Variants in DYNC2I1 observed in about 807,000 individuals in gnomAD.
DYNC2I1 encodes dynein 2 intermediate chain 1.
Under a neutral mutation model 133.4 loss-of-function variants are expected in DYNC2I1, and 89 were observed. The ratio of observed to expected loss-of-function variants is 0.67; its 90% confidence interval spans 0.56 to 0.80. The LOEUF is 0.80. Among genes scored for constraint, DYNC2I1 ranks in the 30% least tolerant of loss-of-function variants. DYNC2I1 has a pLI of 0.00. For synonymous variants in DYNC2I1, 504 were observed against 484.3 expected (o/e 1.04, Z -0.54); for missense variants, 1,291 against 1,314.5 (o/e 0.98, Z 0.28).
chr7:158,841,107 C>G, the DYNC2I1 span, among the ~76,000 whole-genome samples: 1 of 145,844 alleles, frequency 6.9e-6, no homozygotes, highest in Non-Finnish European at 1.5e-5. Context: ...AACTGTCCCC[C>G]AACTCCCAGT....
intron 1 of DYNC2I1, among the ~76,000 whole-genome samples, chr7:158,860,542 C>T (rs1262144186): frequency 1.3e-5 from 2 of 152,224 alleles, no homozygotes; most frequent in African/African-American, 2.4e-5. Context: ...GCAGGCTTTA[C>T]ACCTGCCTGC....
chr7:158,939,606 G>C (rs1329046256), intron 23 of DYNC2I1, among the ~76,000 whole-genome samples: 1 of 152,186 alleles, frequency 6.6e-6, no homozygotes, highest in Non-Finnish European at 1.5e-5. Flanking sequence ...AATGGCAGTA[G>C]AATGTTCTCA....
chr7:158,918,701 T>A (rs1442745299), intron 14 of DYNC2I1, 39 bp from the exon 15 acceptor site: 1 of 1,601,142 alleles, frequency 6.2e-7, no homozygotes, highest in Non-Finnish European at 8.5e-7. Context: ...TAATCCATTG[T>A]GAAGTTTTTA....
chr7:158,913,000 A>T lies in DYNC2I1; in HGVS notation c.1606A>T (p.Asn536Tyr). 1.2e-6 allele frequency: 2 copies of T among 1,612,420 alleles called. No individual in the cohort carries two copies. Among genetic ancestry groups the T allele is most frequent in the Non-Finnish European group, 1.7e-6 (2 of 1,179,202 alleles). Residue 536 changes from asparagine (N) to tyrosine (Y), a missense_variant, in exon 13 of 25, where the codon AAC (asparagine) becomes TAC (tyrosine). Transcript: ENST00000407559. ...TGTTTTTAAGGCATATGTTCAGTGTAACGAAGATAATGTTGAAAGAGACAT... is the reference window on the plus strand; with the variant it reads ...TGTTTTTAAGGCATATGTTCAGTGTTACGAAGATAATGTTGAAAGAGACAT... ...KNTKQAYVQC[N>Y]EDNVERDIQT... is the part of the protein sequence containing the mutation.
In DYNC2I1 at chr7:158,914,256, G is replaced by C; in HGVS notation, c.1726G>C (p.Asp576His). The C allele has an allele frequency of 1.2e-6, 2 of 1,612,440 alleles. No individual in the cohort carries two copies. The highest frequency in any genetic ancestry group is 1.7e-6 in the Non-Finnish European group (2 of 1,179,198). Reference sequence around the variant, plus strand: ...AGGCAGTGAACAAAGAGATACCTCTGATGCTGTAGTTATGCCAAAGATTGA... The same window carrying C: ...AGGCAGTGAACAAAGAGATACCTCTCATGCTGTAGTTATGCCAAAGATTGA... ...SGGSEQRDTS[D>H]AVVMPKIDTP... The change falls in exon 14 of 25, where the codon GAT becomes CAT. Residue 576 changes from aspartate (D) to histidine (H), a missense_variant. Coordinates refer to ENST00000407559, the MANE Select transcript of DYNC2I1 (RefSeq NM_018051.5).
intron 4 of DYNC2I1, among the ~76,000 whole-genome samples, chr7:158,954,736 AATT>A (rs1293034110): frequency 1.3e-5 from 2 of 152,238 alleles, no homozygotes; most frequent in Non-Finnish European, 2.9e-5. Context: ...AGTAAGAAAA[AATT>A]ATAGTCTCAC....
At chr7:158,851,875 A>C (rs187952926), upstream of DYNC2I1, among the ~76,000 whole-genome samples, 1 of 152,322 alleles carries the variant, frequency 6.6e-6, no homozygotes, top group East Asian at 1.9e-4. Flanking sequence ...CCCCAGCAGA[A>C]TAGGTTCTTT....
chr7:158,876,147 T>C (rs1484327769), intron 3 of DYNC2I1, among the ~76,000 whole-genome samples: 1 of 152,062 alleles, frequency 6.6e-6, no homozygotes, highest in Non-Finnish European at 1.5e-5. Flanking sequence ...AGACTTACAG[T>C]CTTAGGAGAA....
At chr7:158,880,427 C>A (rs183533749) in intron 5 of DYNC2I1, among the ~76,000 whole-genome samples, 52 of 151,952 alleles carry the variant, frequency 3.4e-4, no homozygotes, top group Non-Finnish European at 7.4e-4. Flanking sequence ...GTCCTAGCTA[C>A]CTGGGAGGCT....
chr7:158,882,688 CAT>C (rs975433394), intron 5 of DYNC2I1, among the ~76,000 whole-genome samples: 1 of 152,062 alleles, frequency 6.6e-6, no homozygotes, highest in Admixed American at 6.6e-5. Flanking sequence ...GCCTGGCTAA[CAT>C]AGTGAAACCC....
chr7:158,957,963 C>T (rs1852240277), downstream of DYNC2I1, among the ~76,000 whole-genome samples: 2 of 152,212 alleles, frequency 1.3e-5, no homozygotes, highest in East Asian at 1.9e-4. Flanking sequence ...GAGGGCCCCT[C>T]GGCCTTCCGC....
chr7:158,922,930 G>A (rs1414374167), intron 16 of DYNC2I1, among the ~76,000 whole-genome samples: 2 of 152,136 alleles, frequency 1.3e-5, no homozygotes, highest in Non-Finnish European at 2.9e-5. Flanking sequence ...TTCTTAGACT[G>A]CGTGGAGGTT....
intron 8 of DYNC2I1, among the ~76,000 whole-genome samples, chr7:158,901,263 G>C (rs1334418000): frequency 6.6e-6 from 1 of 151,992 alleles, no homozygotes; most frequent in African/African-American, 2.4e-5. Context: ...GTAGAGATGC[G>C]GTTTCGCCAT....
At chr7:158,883,818 C>T (rs1231196571) in intron 5 of DYNC2I1, among the ~76,000 whole-genome samples, 220 of 149,276 alleles carry the variant, frequency 1.5e-3, no homozygotes, top group African/African-American at 5.2e-3. Flanking sequence ...CGCCCGCCAC[C>T]ACACCCGGCT....
chr7:158,919,148 CTA>C (rs1206030122), intron 15 of DYNC2I1, among the ~76,000 whole-genome samples: 3 of 152,186 alleles, frequency 2.0e-5, no homozygotes, highest in Non-Finnish European at 2.9e-5. Flanking sequence ...CTGAGATTTT[CTA>C]TGTGTTTGAA....
intron 8 of DYNC2I1, among the ~76,000 whole-genome samples, chr7:158,896,865 A>G (rs1359445339): frequency 8.9e-6 from 1 of 112,012 alleles, no homozygotes; most frequent in Non-Finnish European, 1.7e-5. Context: ...ATTGGTCTGT[A>G]GTTTTTTTTT....
At chr7:158,845,599 G>A in the DYNC2I1 span, among the ~76,000 whole-genome samples, 1 of 152,162 alleles carries the variant, frequency 6.6e-6, no homozygotes, top group South Asian at 2.1e-4. Context: ...AATGAAAACA[G>A]CTAAATCTCA....
At chr7:158,880,345 TG>T (rs759724053) in intron 5 of DYNC2I1, among the ~76,000 whole-genome samples, 2 of 152,156 alleles carry the variant, frequency 1.3e-5, no homozygotes, top group Non-Finnish European at 2.9e-5. Flanking sequence ...GAGACCAGCC[TG>T]ACCAACATGG....
At chr7:158,933,770 A>G (rs1367809929) in intron 21 of DYNC2I1, among the ~76,000 whole-genome samples, 4 of 152,234 alleles carry the variant, frequency 2.6e-5, no homozygotes, top group African/African-American at 9.6e-5. Context: ...GCATGAAGAA[A>G]TAGTCTACCT....
Sources: allele counts gnomAD v4.1 joint callset (sites outside exome capture counted in the v4.1 genomes callset), GRCh38; gene constraint gnomAD v4.1.1; transcripts MANE v1.5; gene names NCBI Gene and HGNC (gene_info 2026-07-23, HGNC 2026-07-21).